PTPRT: variants seen among roughly 807,000 people sequenced by gnomAD.
PTPRT encodes protein tyrosine phosphatase receptor type T.
In PTPRT, 56 loss-of-function variants were observed where a neutral mutation model predicts 176.8. The ratio of observed to expected loss-of-function variants is 0.32; its 90% CI spans 0.26 to 0.40. PTPRT has a LOEUF of 0.40. Ranked by LOEUF, PTPRT falls within the 10% of genes least tolerant of loss-of-function variation. PTPRT has a pLI of 1.00. For synonymous variants in PTPRT, 783 were observed against 739.0 expected (o/e 1.06, Z -0.96); for missense variants, 1,540 against 1,908.2 (o/e 0.81, Z 3.60).
At chr20:42,092,856 T>C in intron 27 of PTPRT, among the ~76,000 whole-genome samples, 1 of 152,198 alleles carries the variant, frequency 6.6e-6, no homozygotes, top group Non-Finnish European at 1.5e-5. Flanking sequence ...ACAGCCCCCA[T>C]TATCCTTGCA....
At position 42,076,324 on chromosome 20, in the gene PTPRT, A is replaced by G. The variant is rs1455520541; in HGVS notation, c.*4555T>C. Reference sequence around the variant, plus strand: ...ACTTGCCCACATTAGCAACCATGTGACTCCACTTGGACAACAGGCACCACT... The same window carrying G: ...ACTTGCCCACATTAGCAACCATGTGGCTCCACTTGGACAACAGGCACCACT... On this transcript the variant is annotated 3_prime_UTR_variant, in exon 31 of 31. Transcript: ENST00000373187. 1.0e-5 allele frequency: 2 copies of G among 200,182 alleles called. No homozygotes were observed. The highest frequency in any genetic ancestry group is 2.1e-5 in the Non-Finnish European group (2 of 97,216). 12.4% of individuals were successfully genotyped at this position (200,182 alleles called of 1,614,324 possible).
At chr20:43,177,342 CT>C (rs1207082176) in intron 1 of PTPRT, among the ~76,000 whole-genome samples, 2 of 152,174 alleles carry the variant, frequency 1.3e-5, no homozygotes, top group African/African-American at 4.8e-5. Flanking sequence ...TTCCTGGAAC[CT>C]TTTGTGTGAG....
At chr20:42,297,945 T>C (rs1163945824) in intron 12 of PTPRT, among the ~76,000 whole-genome samples, 1 of 152,134 alleles carries the variant, frequency 6.6e-6, no homozygotes, top group Non-Finnish European at 1.5e-5. Flanking sequence ...GTAAATTCCT[T>C]TATAGCCTGA....
chr20:42,071,087 G>C (rs1982310439), downstream of PTPRT, among the ~76,000 whole-genome samples: 2 of 152,162 alleles, frequency 1.3e-5, no homozygotes, highest in South Asian at 4.1e-4. Flanking sequence ...TCTAGACTCT[G>C]TGGCCTGGGA....
chr20:42,533,746 A>G (rs567799187), intron 7 of PTPRT, among the ~76,000 whole-genome samples: 6 of 152,328 alleles, frequency 3.9e-5, no homozygotes, highest in South Asian at 2.1e-4. Context: ...CTAACAGTCA[A>G]TTCTATAAAC....
chr20:42,809,067 G>A (rs1416002757), intron 2 of PTPRT, among the ~76,000 whole-genome samples: 2 of 152,184 alleles, frequency 1.3e-5, no homozygotes, highest in African/African-American at 2.4e-5. Flanking sequence ...TTAGGGAGCT[G>A]TGCATCAACA....
chr20:42,404,470 G>C (rs945815223), intron 9 of PTPRT, among the ~76,000 whole-genome samples: 7 of 152,130 alleles, frequency 4.6e-5, no homozygotes, highest in Non-Finnish European at 8.8e-5. Context: ...GCCTGTGCCA[G>C]ATCATCTATT....
chr20:42,248,601 G>C, intron 14 of PTPRT, 86 bp downstream of exon 14: 3 of 1,504,148 alleles, frequency 2.0e-6, no homozygotes, highest in Non-Finnish European at 2.7e-6. Context: ...GCTGGACAAT[G>C]ATCAACAGAG....
chr20:42,134,513 T>C (rs1350298394), intron 18 of PTPRT, among the ~76,000 whole-genome samples: 2 of 152,144 alleles, frequency 1.3e-5, no homozygotes, highest in Non-Finnish European at 2.9e-5. Flanking sequence ...GGAGACATGG[T>C]ACCAAGACAC....
At chr20:42,855,469 C>T (rs2078546198) in intron 2 of PTPRT, among the ~76,000 whole-genome samples, 1 of 138,802 alleles carries the variant, frequency 7.2e-6, no homozygotes, top group African/African-American at 2.8e-5. Flanking sequence ...GAGTCTCACT[C>T]CACCCAGGCT....
chr20:42,400,903 C>T (rs895036788), intron 9 of PTPRT, among the ~76,000 whole-genome samples: 23 of 151,678 alleles, frequency 1.5e-4, no homozygotes, highest in African/African-American at 4.8e-4. Context: ...GATAAGGGAT[C>T]GGGTTTTTAA....
chr20:42,914,485 T>A (rs1008371601), intron 1 of PTPRT, among the ~76,000 whole-genome samples: 11 of 152,166 alleles, frequency 7.2e-5, no homozygotes, highest in African/African-American at 2.7e-4. Flanking sequence ...ATCCATACAA[T>A]AAAATACTAC....
At chr20:42,032,966 C>T in the PTPRT span, among the ~76,000 whole-genome samples, 1 of 152,170 alleles carries the variant, frequency 6.6e-6, no homozygotes, top group Non-Finnish European at 1.5e-5. Flanking sequence ...GAGGGTAGAT[C>T]TCACTGACTC....
chr20:42,226,985 A>C (rs1366338553), intron 15 of PTPRT, among the ~76,000 whole-genome samples: 1 of 152,094 alleles, frequency 6.6e-6, no homozygotes, highest in East Asian at 1.9e-4. Context: ...AACCCCAATC[A>C]GTTGGTATGC....
intron 6 of PTPRT, among the ~76,000 whole-genome samples, chr20:42,691,497 C>G (rs2075792743): frequency 6.6e-6 from 1 of 152,140 alleles, no homozygotes; most frequent in Non-Finnish European, 1.5e-5. Context: ...ATCGACTGCT[C>G]TGAAGTGTCA....
intron 9 of PTPRT, among the ~76,000 whole-genome samples, chr20:42,440,225 A>G (rs1023230989): frequency 6.6e-6 from 1 of 151,946 alleles, no homozygotes; most frequent in Non-Finnish European, 1.5e-5. Context: ...TTATTTTTTC[A>G]GATCAGTTTT....
intron 6 of PTPRT, among the ~76,000 whole-genome samples, chr20:42,699,721 C>A (rs925708795): frequency 6.6e-6 from 1 of 152,080 alleles, no homozygotes. Context: ...TTTTCCCCTA[C>A]AAGAGAGTCA....
intron 27 of PTPRT, among the ~76,000 whole-genome samples, chr20:42,089,192 A>G (rs1984349598): frequency 6.6e-6 from 1 of 152,100 alleles, no homozygotes; most frequent in Admixed American, 6.5e-5. Flanking sequence ...GAGCTGTGCA[A>G]TGATGACAAA....
intron 7 of PTPRT, among the ~76,000 whole-genome samples, chr20:42,599,218 G>C (rs566208514): frequency 6.6e-6 from 1 of 152,270 alleles, no homozygotes; most frequent in Admixed American, 6.5e-5. Context: ...ACAACTGGGT[G>C]GTGACATTTG....
Sources: gnomAD v4.1 joint callset for allele counts (sites outside exome capture counted in the v4.1 genomes callset) on GRCh38, gnomAD v4.1.1 for gene constraint, MANE v1.5 for transcripts, NCBI Gene and HGNC (gene_info 2026-07-23, HGNC 2026-07-21) for gene names.